CDC42BPA: variants seen among roughly 807,000 people sequenced by gnomAD.
The protein encoded by CDC42BPA is serine/threonine-protein kinase MRCK alpha.
In CDC42BPA, 80 loss-of-function variants were observed where a neutral mutation model predicts 223.5. That is an observed-to-expected ratio of 0.36 (90% CI 0.30 to 0.43). The LOEUF (loss-of-function observed/expected upper bound fraction) is 0.43, where lower values mean the gene tolerates loss of function less well. Among genes scored for constraint, CDC42BPA ranks in the 20% least tolerant of loss-of-function variants. The pLI is 1.00. For missense variants in CDC42BPA, 1,743 were observed against 2,099.9 expected (o/e 0.83, Z 3.32); for synonymous variants, 694 against 718.6 (o/e 0.97, Z 0.55).
Position 226,994,210 on chromosome 1 carries a change from A to G in CDC42BPA, c.*58T>C. 6.6e-7 allele frequency: 1 copy of G among 1,520,056 alleles called. No individual in the cohort carries two copies. The allele number at this position is 1,520,056 out of a possible 1,614,324, so 94.2% of individuals were successfully genotyped here. On this transcript the variant is annotated 3_prime_UTR_variant, in exon 37 of 37. Coordinates refer to ENST00000366766, the MANE Select transcript of CDC42BPA (RefSeq NM_001394014.1). This position sits in a 1 kb window ranked among gnomAD's most constrained non-coding sequence, Gnocchi z 4.0. ...AGGCGAGGTGGAGGGAAGAGATGAA[A>G]GTGAGAGGAGGCGAGTGGCAGGGAG...
chr1:227,230,217 T>C (rs1185096563), intron 2 of CDC42BPA, among the ~76,000 whole-genome samples: 1 of 152,274 alleles, frequency 6.6e-6, no homozygotes, highest in Non-Finnish European at 1.5e-5. Flanking sequence ...ACCTCTCTGA[T>C]TTCATAGTTC....
At chr1:227,131,652 T>A (rs1372060015) in intron 10 of CDC42BPA, among the ~76,000 whole-genome samples, 1 of 152,166 alleles carries the variant, frequency 6.6e-6, no homozygotes, top group Non-Finnish European at 1.5e-5. Flanking sequence ...GAATCTGGTG[T>A]ATGAAGGGAG....
intron 23 of CDC42BPA, among the ~76,000 whole-genome samples, chr1:227,044,387 T>C (rs903222798): frequency 2.0e-5 from 3 of 151,984 alleles, no homozygotes; most frequent in Non-Finnish European, 4.4e-5. Context: ...TGAGATCTTA[T>C]ATTTATTCCC....
intron 3 of CDC42BPA, among the ~76,000 whole-genome samples, chr1:227,205,283 AATATAT>A (rs71180715): frequency 0.14 from 16,593 of 121,530 alleles, 1,242 homozygotes; most frequent in Non-Finnish European, 0.15. Flanking sequence ...AAAAAAAAAA[AATATAT>A]ATATATATAT....
At chr1:227,107,866 T>G (rs1287121327) in intron 14 of CDC42BPA, among the ~76,000 whole-genome samples, 1 of 152,200 alleles carries the variant, frequency 6.6e-6, no homozygotes, top group East Asian at 1.9e-4. Flanking sequence ...GGTTATCTAC[T>G]CTGTGGGCAT....
chr1:227,186,881 G>C (rs921745701), intron 5 of CDC42BPA, among the ~76,000 whole-genome samples: 43 of 152,254 alleles, frequency 2.8e-4, no homozygotes, highest in African/African-American at 1.0e-3. Context: ...TCGTCTTCTC[G>C]TTCCTGGAGT....
intron 5 of CDC42BPA, among the ~76,000 whole-genome samples, chr1:227,180,168 T>C (rs1398277970): frequency 6.6e-6 from 1 of 152,182 alleles, no homozygotes; most frequent in Non-Finnish European, 1.5e-5. Flanking sequence ...ATCATGCCAC[T>C]GCACTCCAGC....
intron 14 of CDC42BPA, among the ~76,000 whole-genome samples, chr1:227,106,878 A>C (rs1333192288): frequency 6.6e-6 from 1 of 152,182 alleles, no homozygotes; most frequent in Non-Finnish European, 1.5e-5. Context: ...CCATAGATAC[A>C]TGCATTTATT....
chr1:227,209,339 A>G (rs1328359862), intron 3 of CDC42BPA, among the ~76,000 whole-genome samples: 2 of 145,794 alleles, frequency 1.4e-5, no homozygotes, highest in Non-Finnish European at 3.0e-5. Flanking sequence ...CTAATTGAAT[A>G]CCCTTTATTT....
Position 227,242,758 on chromosome 1 carries a change from T to C in CDC42BPA, c.270+11306A>G, listed in dbSNP as rs1431202355. On this transcript the variant is annotated intron_variant, in intron 2 of 36. Transcript: ENST00000366766. ...GTGAAACATGAACAAGACATCTACA[T>C]TGAAAAATATTCCTCAAAGAACAAA... Among the ~76,000 whole-genome samples, 5 of 152,164 alleles carry C rather than the reference T, an allele frequency of 3.3e-5. No homozygotes were observed. In the South Asian group the frequency reaches 6.2e-4, roughly 19 times the overall value.
At chr1:227,066,206 T>C (rs1376969112) in intron 21 of CDC42BPA, among the ~76,000 whole-genome samples, 1 of 152,082 alleles carries the variant, frequency 6.6e-6, no homozygotes, top group African/African-American at 2.4e-5. Flanking sequence ...CTGGCCAACA[T>C]GGTGAAAGCC....
chr1:227,051,840 C>T, intron 22 of CDC42BPA, 41 bp downstream of exon 22: 1 of 1,147,514 alleles, frequency 8.7e-7, no homozygotes, highest in Non-Finnish European at 1.2e-6. Context: ...TTTTCTGACA[C>T]AAGTGAAAAG....
chr1:227,239,846 C>T (rs1003224350), intron 2 of CDC42BPA, among the ~76,000 whole-genome samples: 4 of 152,088 alleles, frequency 2.6e-5, no homozygotes, highest in African/African-American at 9.7e-5. Flanking sequence ...TTCTTCCTCC[C>T]TCAGTTCAGG....
intron 14 of CDC42BPA, among the ~76,000 whole-genome samples, chr1:227,108,078 T>C (rs1686242761): frequency 6.6e-6 from 1 of 152,212 alleles, no homozygotes; most frequent in Non-Finnish European, 1.5e-5. Context: ...TATTTTCTAG[T>C]CTTTATTTTA....
intron 35 of CDC42BPA, among the ~76,000 whole-genome samples, chr1:226,998,211 C>T (rs1035104408): frequency 6.6e-6 from 1 of 152,116 alleles, no homozygotes; most frequent in African/African-American, 2.4e-5. Flanking sequence ...TGAAAATGGC[C>T]ATAATGCCCA....
At chr1:227,026,544 T>A (rs530698917) in intron 30 of CDC42BPA, among the ~76,000 whole-genome samples, 5 of 152,270 alleles carry the variant, frequency 3.3e-5, no homozygotes, top group African/African-American at 1.2e-4. Context: ...TAGTCCCTGT[T>A]AAGAATGTAT....
chr1:227,184,794 T>C (rs903400203), intron 5 of CDC42BPA, among the ~76,000 whole-genome samples: 12 of 152,204 alleles, frequency 7.9e-5, no homozygotes, highest in Non-Finnish European at 1.5e-4. Flanking sequence ...AGACTAAGTC[T>C]GTAGATCAAT....
intron 1 of CDC42BPA, among the ~76,000 whole-genome samples, chr1:227,276,351 G>T (rs528728377): frequency 1.3e-5 from 2 of 149,596 alleles, no homozygotes; most frequent in South Asian, 4.2e-4. Flanking sequence ...CTGCCCGGCC[G>T]CCCCGTCTGA....
chr1:227,073,002 G>C (rs1678721247), intron 19 of CDC42BPA, among the ~76,000 whole-genome samples: 1 of 152,006 alleles, frequency 6.6e-6, no homozygotes, highest in Non-Finnish European at 1.5e-5. Flanking sequence ...TAAACCAAAA[G>C]TTTATAATCC....
Sources: allele counts gnomAD v4.1 joint callset (sites outside exome capture counted in the v4.1 genomes callset), GRCh38; gene constraint gnomAD v4.1.1; non-coding constraint Gnocchi (gnomAD v3.1); transcripts MANE v1.5; gene names NCBI Gene and HGNC (gene_info 2026-07-23, HGNC 2026-07-21).